Variants in FNTB observed in about 807,000 individuals in gnomAD.
FNTB encodes the protein farnesyltransferase, CAAX box, subunit beta.
FNTB carries 27 observed loss-of-function variants against 59.4 expected under a neutral mutation model. The observed-to-expected ratio is 0.45, with a 90% CI of 0.34 to 0.63. The LOEUF (loss-of-function observed/expected upper bound fraction) is 0.63. FNTB is among the 20% of genes least tolerant of loss of function. FNTB has a pLI of 0.02. For missense variants in FNTB, 449 were observed against 559.6 expected, an observed-to-expected ratio of 0.80 and a Z score of 1.99; for synonymous variants, 230 against 220.7, an observed-to-expected ratio of 1.04 and a Z score of -0.37.
rs2061607505 is a variant in FNTB, at chr14:65,007,143, A to G, written c.209+2830A>G. ...GCTGAGTATATAATTCAACATATCA[A>G]TATAAGGCTGAAGGCAAACATCACC... On this transcript the variant is annotated intron_variant, in intron 2 of 11. Coordinates refer to ENST00000246166, the MANE Select transcript of FNTB (RefSeq NM_002028.4). This position sits in a 1 kb window ranked among gnomAD's most constrained non-coding sequence, Gnocchi z 4.9. 6.6e-6 allele frequency among the ~76,000 whole-genome samples: 1 copy of G among 152,246 alleles called. No individual in the cohort carries two copies. Among genetic ancestry groups the G allele is most frequent in the South Asian group, 2.1e-4 (1 of 4,834 alleles).
chr14:64,992,603 A>C lies in FNTB; in HGVS notation c.144+5506A>C, dbSNP rs1447820177. Among the ~76,000 whole-genome samples the C allele has an allele frequency of 2.0e-5, 3 of 152,206 alleles. No individual in the cohort carries two copies. In the East Asian group the frequency reaches 5.8e-4, roughly 29 times the overall value. On this transcript the variant is annotated intron_variant, in intron 1 of 11. Transcript: ENST00000246166. The stretch of plus-strand genomic sequence containing the variant: ...ACTGAACAGTTTATTCCAAGTTACA[A>C]GTATCCACTTGCATAACATTAGACT...
At position 65,009,600 on chromosome 14, in the gene FNTB, C is replaced by A. The variant is rs2061653450; in HGVS notation, c.210-2717C>A. On this transcript the variant is annotated intron_variant, in intron 2 of 11. Coordinates refer to ENST00000246166, the MANE Select transcript of FNTB (RefSeq NM_002028.4). The surrounding 1 kb of genome is among the most constrained non-coding windows in gnomAD (Gnocchi z 4.2). ...TTCCAGGCTCACCTCTCCTACTATA[C>A]CCTCATCCCAGCCCTCCTCCATCCT... Among the ~76,000 whole-genome samples, 1 of 152,152 alleles carries A rather than the reference C, an allele frequency of 6.6e-6. No individual in the cohort carries two copies. Among genetic ancestry groups the A allele is most frequent in the African/African-American group, 2.4e-5 (1 of 41,410 alleles).
At chr14:65,037,014 C>T (rs547023151) in intron 7 of FNTB, among the ~76,000 whole-genome samples, 26 of 151,852 alleles carry the variant, frequency 1.7e-4, no homozygotes, top group African/African-American at 6.0e-4. Context: ...GCTGGGCACT[C>T]GATTTGGAAG....
chr14:65,031,004 C>T lies in FNTB; in HGVS notation c.606-1606C>T, dbSNP rs112379859. 0.039 allele frequency among the ~76,000 whole-genome samples: 5,946 copies of T among 151,988 alleles called. 175 individuals carry two copies. Among genetic ancestry groups the T allele is most frequent in the Middle Eastern group, 0.075 (22 of 294 alleles). ...TGTATTTTTAGTAGAGACGAGGTCT[C>T]ACCATGTTGGCCAGGCTAGTCTCGA... On this transcript the variant is annotated intron_variant, in intron 6 of 11. Transcript: ENST00000246166. This position sits in a 1 kb window ranked among gnomAD's most constrained non-coding sequence, Gnocchi z 4.6.
In FNTB at chr14:65,007,047, G is replaced by A. The variant is rs2061605835; in HGVS notation, c.209+2734G>A. 6.6e-6 allele frequency among the ~76,000 whole-genome samples: 1 copy of A among 152,162 alleles called. No homozygotes were observed. Among genetic ancestry groups the A allele is most frequent in the Admixed American group, 6.5e-5 (1 of 15,278 alleles). ...TTCACAATTACCCGTTTTTATCATT[G>A]TTGCCTATGAAATTGAGTGTTTTAA... On this transcript the variant is annotated intron_variant, in intron 2 of 11. Coordinates refer to ENST00000246166, the MANE Select transcript of FNTB (RefSeq NM_002028.4). This position sits in a 1 kb window ranked among gnomAD's most constrained non-coding sequence, Gnocchi z 4.9.
Position 65,009,108 on chromosome 14 carries a change from T to C in FNTB, c.210-3209T>C, listed in dbSNP as rs575382832. 6.6e-6 allele frequency among the ~76,000 whole-genome samples: 1 copy of C among 152,304 alleles called. No individual in the cohort carries two copies. The highest frequency in any genetic ancestry group is 2.1e-4 in the South Asian group (1 of 4,824). On this transcript the variant is annotated intron_variant, in intron 2 of 11. Coordinates refer to ENST00000246166, the MANE Select transcript of FNTB (RefSeq NM_002028.4). The surrounding 1 kb of genome is among the most constrained non-coding windows in gnomAD (Gnocchi z 4.2). Reference sequence around the variant, plus strand: ...AGAGCTCTACCTTTTCTTTCTTAACTTCCTACACAGAAAAGATTTTTGGAT... The same window carrying C: ...AGAGCTCTACCTTTTCTTTCTTAACCTCCTACACAGAAAAGATTTTTGGAT...
At chr14:65,006,190 GA>G (rs1432412888) in intron 2 of FNTB, 1 of 1,500,102 alleles carries the variant, frequency 6.7e-7, no homozygotes, top group African/African-American at 1.5e-5. Context: ...ATTTCCTTAA[GA>G]AACTTTTTCT....
At chr14:65,010,387 C>A (rs1198424602) in intron 2 of FNTB, among the ~76,000 whole-genome samples, 1 of 152,222 alleles carries the variant, frequency 6.6e-6, no homozygotes, top group African/African-American at 2.4e-5. Context: ...GAATCCCTCT[C>A]CTGAGCCTCA....
chr14:65,005,592 C>T (rs2061574837), intron 2 of FNTB, among the ~76,000 whole-genome samples: 1 of 150,556 alleles, frequency 6.6e-6, no homozygotes, highest in South Asian at 2.1e-4. Context: ...GTCTTTCTCA[C>T]TTTCTTTCCT....
At chr14:64,998,321 A>C (rs1411697643) in intron 1 of FNTB, among the ~76,000 whole-genome samples, 10 of 152,226 alleles carry the variant, frequency 6.6e-5, no homozygotes, top group Non-Finnish European at 1.5e-5. Context: ...AGTGTATTGC[A>C]GTGGGAATCT....
In FNTB at chr14:65,029,126, C is replaced by G. The variant is rs2062035054; in HGVS notation, c.605+1345C>G. Reference sequence around the variant, plus strand: ...CACTGTAGCCATATTCTTCCCTGACCTTTGCTCTTTGGGTGATGCTCTGCC... The same window carrying G: ...CACTGTAGCCATATTCTTCCCTGACGTTTGCTCTTTGGGTGATGCTCTGCC... On this transcript the variant is annotated intron_variant, in intron 6 of 11. Coordinates refer to ENST00000246166, the MANE Select transcript of FNTB (RefSeq NM_002028.4). The surrounding 1 kb of genome is among the most constrained non-coding windows in gnomAD (Gnocchi z 4.7). 6.6e-6 allele frequency among the ~76,000 whole-genome samples: 1 copy of G among 152,160 alleles called. No individual in the cohort carries two copies.
At chr14:65,035,871 G>A (rs143350720) in intron 7 of FNTB, among the ~76,000 whole-genome samples, 2 of 150,328 alleles carry the variant, frequency 1.3e-5, no homozygotes, top group African/African-American at 2.5e-5. Flanking sequence ...CTTGCTTGTT[G>A]CCCTGGCTGG....
Position 65,007,304 on chromosome 14 carries a change from C to T in FNTB, c.209+2991C>T, listed in dbSNP as rs969938667. Among the ~76,000 whole-genome samples the T allele has an allele frequency of 6.6e-6, 1 of 152,218 alleles. No individual in the cohort carries two copies. On this transcript the variant is annotated intron_variant, in intron 2 of 11. Transcript: ENST00000246166. The surrounding 1 kb of genome is among the most constrained non-coding windows in gnomAD (Gnocchi z 4.9). ...ACACTTTAATACAGGAAGTAACCTT[C>T]ACTGTTAGCTGAAGTGCATGGTTAG...
At chr14:65,016,724 A>G (rs114473443) in intron 4 of FNTB, among the ~76,000 whole-genome samples, 263 of 152,276 alleles carry the variant, frequency 1.7e-3, no homozygotes, top group African/African-American at 5.9e-3. Context: ...CTTGTGATGA[A>G]TGTGGATGGG....
At chr14:65,002,182 G>A (rs1333519937) in intron 1 of FNTB, among the ~76,000 whole-genome samples, 2 of 152,164 alleles carry the variant, frequency 1.3e-5, no homozygotes, top group African/African-American at 2.4e-5. Flanking sequence ...ACAAAGATTA[G>A]GAATGCCAAG....
chr14:64,986,963 C>T lies in FNTB; in HGVS notation c.10C>T (p.Pro4Ser), dbSNP rs777605646. The change falls in exon 1 of 12, where the codon CCG (proline) becomes TCG (serine). Residue 4 changes from proline to serine, a missense_variant. Physicochemically the swap from Pro to Ser is moderately conservative, Grantham distance 74. Transcript: ENST00000246166. ...TGCTGCTCTCCTGATCATGGCTTCT[C>T]CGAGTTCTTTCACCTACTATTGCCC... MAS[P>S]SSFTYYCPPS... 1.2e-5 allele frequency: 20 copies of T among 1,614,254 alleles called. No individual in the cohort carries two copies. The highest frequency in any genetic ancestry group is 1.7e-5 in the Non-Finnish European group (20 of 1,180,042).
chr14:65,051,887 T>C (rs188338348), intron 9 of FNTB, among the ~76,000 whole-genome samples: 2,637 of 151,548 alleles, frequency 0.017, 48 homozygotes, highest in African/African-American at 0.041. Flanking sequence ...CTCCGCCTCC[T>C]GGGTTCACGC....
chr14:65,055,107 C>T (rs763414396), intron 11 of FNTB, among the ~76,000 whole-genome samples: 26 of 152,254 alleles, frequency 1.7e-4, no homozygotes, highest in Admixed American at 6.5e-4. Flanking sequence ...GCCATCTCTT[C>T]AGAGAATGAG....
intron 1 of FNTB, among the ~76,000 whole-genome samples, chr14:64,995,328 TAATA>T (rs1888352249): frequency 6.6e-6 from 1 of 152,218 alleles, no homozygotes; most frequent in Non-Finnish European, 1.5e-5. Context: ...TCTAAAATAA[TAATA>T]TATAGTATAG....
Sources: gnomAD v4.1 joint callset for allele counts (sites outside exome capture counted in the v4.1 genomes callset) on GRCh38, gnomAD v4.1.1 for gene constraint, Gnocchi (gnomAD v3.1) non-coding constraint, MANE v1.5 for transcripts, NCBI Gene and HGNC (gene_info 2026-07-23, HGNC 2026-07-21) for gene names.